PLXNA4: variants seen among roughly 807,000 people sequenced by gnomAD.
PLXNA4 encodes plexin-A4.
Under a neutral mutation model 191.8 loss-of-function variants are expected in PLXNA4, and 44 were observed. The observed-to-expected ratio is 0.23, with a 90% CI of 0.18 to 0.29. The LOEUF (loss-of-function observed/expected upper bound fraction) is 0.29. Among genes scored for constraint, PLXNA4 ranks in the 10% least tolerant of loss-of-function variants. The pLI, the probability that PLXNA4 is intolerant of heterozygous loss-of-function variation, is 1.00. For missense variants in PLXNA4, 1,800 were observed against 2,488.8 expected (o/e 0.72, Z 5.89); for synonymous variants, 1,082 against 1,009.5 (o/e 1.07, Z -1.36).
At chr7:132,279,236 C>T (rs1444228138) in intron 4 of PLXNA4, among the ~76,000 whole-genome samples, 1 of 152,150 alleles carries the variant, frequency 6.6e-6, no homozygotes, top group Non-Finnish European at 1.5e-5. Context: ...TACCTTGTTC[C>T]CTCTGGTCAT....
At chr7:132,321,043 C>T (rs769614383) in intron 3 of PLXNA4, among the ~76,000 whole-genome samples, 31 of 152,148 alleles carry the variant, frequency 2.0e-4, no homozygotes, top group African/African-American at 5.8e-4. Flanking sequence ...CCTTCCTTGA[C>T]GGCTGTCAGA....
intron 3 of PLXNA4, among the ~76,000 whole-genome samples, chr7:132,466,385 G>A (rs531649205): frequency 6.6e-6 from 1 of 152,280 alleles, no homozygotes. Context: ...GAGACATGTG[G>A]CCTTGGGTTA....
At chr7:132,520,418 C>G (rs1256241121) in intron 1 of PLXNA4, among the ~76,000 whole-genome samples, 1 of 152,200 alleles carries the variant, frequency 6.6e-6, no homozygotes, top group Non-Finnish European at 1.5e-5. Context: ...CTCTGAGGAC[C>G]TGGGTCCGCA....
intron 3 of PLXNA4, among the ~76,000 whole-genome samples, chr7:132,409,620 T>G (rs1794368082): frequency 6.6e-6 from 1 of 152,190 alleles, no homozygotes; most frequent in Non-Finnish European, 1.5e-5. Flanking sequence ...TTTCACTCTT[T>G]CAAGGTGGAA....
At chr7:132,171,555 T>C (rs1335521419) in intron 21 of PLXNA4, among the ~76,000 whole-genome samples, 1 of 152,138 alleles carries the variant, frequency 6.6e-6, no homozygotes, top group African/African-American at 2.4e-5. Context: ...CTATGGCATT[T>C]AGAGAGGTGG....
chr7:132,591,557 T>C (rs930494346), intron 2 of PLXNA4, among the ~76,000 whole-genome samples: 1 of 152,238 alleles, frequency 6.6e-6, no homozygotes, highest in Admixed American at 6.5e-5. Context: ...ATTACAACAA[T>C]AGACTATATA....
chr7:132,221,107 C>A (rs961297994), intron 9 of PLXNA4, among the ~76,000 whole-genome samples: 2 of 152,062 alleles, frequency 1.3e-5, no homozygotes, highest in South Asian at 4.1e-4. Flanking sequence ...CCTTGGCCTG[C>A]CAAAGTGCTG....
chr7:132,138,007 G>C (rs1795163480), intron 30 of PLXNA4, among the ~76,000 whole-genome samples: 2 of 152,006 alleles, frequency 1.3e-5, no homozygotes, highest in Non-Finnish European at 2.9e-5. Context: ...GGGGATGGGT[G>C]GGAGGACAGA....
intron 3 of PLXNA4, among the ~76,000 whole-genome samples, chr7:132,452,747 A>G (rs1378314925): frequency 6.6e-6 from 1 of 152,188 alleles, no homozygotes; most frequent in Non-Finnish European, 1.5e-5. Flanking sequence ...GTTGGACATG[A>G]GCATCAGTGC....
At chr7:132,188,800 C>T (rs915752450) in intron 14 of PLXNA4, among the ~76,000 whole-genome samples, 7 of 151,886 alleles carry the variant, frequency 4.6e-5, no homozygotes, top group Admixed American at 2.6e-4. Flanking sequence ...CTGGACAAGA[C>T]ATTTCACCTC....
At chr7:132,146,188 A>G (rs1795428232) in intron 28 of PLXNA4, among the ~76,000 whole-genome samples, 11 of 151,936 alleles carry the variant, frequency 7.2e-5, no homozygotes, top group Admixed American at 6.6e-4. Context: ...AGAAGAAATC[A>G]TTCTTTTATA....
At chr7:132,412,248 T>G (rs1794487085) in intron 3 of PLXNA4, among the ~76,000 whole-genome samples, 1 of 152,250 alleles carries the variant, frequency 6.6e-6, no homozygotes, top group Non-Finnish European at 1.5e-5. Context: ...TGTTTGGTTT[T>G]TGGCATATCT....
Position 132,569,528 on chromosome 7 carries a change from T to C in PLXNA4, c.-87+6894A>G, listed in dbSNP as rs554286154. On this transcript the variant is annotated intron_variant, in intron 1 of 31. Coordinates refer to ENST00000321063, the MANE Select transcript of PLXNA4 (RefSeq NM_020911.2). Reference sequence around the variant, plus strand: ...ATATAAAATTTCACTGGAGCAAAGATTTTCACTGTATACATGTTAAAATAT... The same window carrying C: ...ATATAAAATTTCACTGGAGCAAAGACTTTCACTGTATACATGTTAAAATAT... 1.8e-3 allele frequency among the ~76,000 whole-genome samples: 271 copies of C among 152,346 alleles called. 1 individual carries two copies. The highest frequency in any genetic ancestry group is 6.3e-3 in the African/African-American group (261 of 41,586).
intron 1 of PLXNA4, among the ~76,000 whole-genome samples, chr7:132,566,829 G>A (rs192700093): frequency 7.2e-5 from 11 of 152,184 alleles, no homozygotes; most frequent in Admixed American, 2.0e-4. Flanking sequence ...AGAATTCGCA[G>A]TCATTTCTGG....
At position 132,534,523 on chromosome 7, in the gene PLXNA4, G is replaced by A. The variant is rs144461619; in HGVS notation, c.-86-25744C>T. ...GGGCCCTGTCCACGGGTGCCTGCCC[G>A]TGAGTGTTGTGTGTGCATAGATTCT... On this transcript the variant is annotated intron_variant, in intron 1 of 31. Coordinates refer to ENST00000321063, the MANE Select transcript of PLXNA4 (RefSeq NM_020911.2). 4.2e-3 allele frequency among the ~76,000 whole-genome samples: 639 copies of A among 152,250 alleles called. 7 individuals are homozygous for A. Among genetic ancestry groups the A allele is most frequent in the African/African-American group, 0.014 (577 of 41,548 alleles).
At chr7:132,641,159 G>A (rs1217435173) in intron 2 of PLXNA4, among the ~76,000 whole-genome samples, 3 of 152,234 alleles carry the variant, frequency 2.0e-5, no homozygotes, top group Non-Finnish European at 4.4e-5. Flanking sequence ...TAATGTAACT[G>A]TAACATAGCT....
At chr7:132,378,804 C>T (rs1473492687) in intron 3 of PLXNA4, among the ~76,000 whole-genome samples, 2 of 150,074 alleles carry the variant, frequency 1.3e-5, no homozygotes, top group Non-Finnish European at 3.0e-5. Context: ...TAGTCTACTT[C>T]AAACCAGTGA....
intron 3 of PLXNA4, among the ~76,000 whole-genome samples, chr7:132,388,903 G>C (rs1356931843): frequency 1.3e-5 from 2 of 152,186 alleles, no homozygotes; most frequent in African/African-American, 4.8e-5. Flanking sequence ...CATAACATGA[G>C]AGGAGCCTGA....
chr7:132,552,020 T>C (rs578016535), intron 1 of PLXNA4, among the ~76,000 whole-genome samples: 3 of 152,238 alleles, frequency 2.0e-5, no homozygotes, highest in East Asian at 1.9e-4. Context: ...GAAAAGAATC[T>C]TATTAGCAGG....
Sources: allele counts gnomAD v4.1 joint callset (sites outside exome capture counted in the v4.1 genomes callset), GRCh38; gene constraint gnomAD v4.1.1; transcripts MANE v1.5; gene names NCBI Gene and HGNC (gene_info 2026-07-23, HGNC 2026-07-21).